The following PPP1R12C variants were observed in gnomAD, a reference collection of about 807,000 sequenced individuals.
PPP1R12C encodes protein phosphatase 1 regulatory subunit 12C, also known as leukocyte receptor cluster (LRC) encoded novel gene 3.
Under a neutral mutation model 95.6 loss-of-function variants are expected in PPP1R12C, and 48 were observed. The observed-to-expected ratio is 0.50, with a 90% confidence interval of 0.40 to 0.64. The LOEUF (loss-of-function observed/expected upper bound fraction) is 0.64. Among genes scored for constraint, PPP1R12C ranks in the 30% least tolerant of loss-of-function variants. The pLI is 0.00. For missense variants in PPP1R12C, 1,057 were observed against 1,083.3 expected (o/e 0.98, Z 0.34); for synonymous variants, 480 against 460.8 (o/e 1.04, Z -0.53).
At chr19:55,106,204 CT>C (rs1296377548) in intron 3 of PPP1R12C, among the ~76,000 whole-genome samples, 1 of 150,474 alleles carries the variant, frequency 6.6e-6, no homozygotes, top group African/African-American at 2.5e-5. Context: ...AGAAAGTTTG[CT>C]GACCCCTGCT....
intron 4 of PPP1R12C, among the ~76,000 whole-genome samples, chr19:55,102,110 C>T (rs557205721): frequency 1.8e-4 from 28 of 152,212 alleles, no homozygotes; most frequent in Non-Finnish European, 3.4e-4. Context: ...AGGATGAGAA[C>T]TGGAACCAAC....
intron 11 of PPP1R12C, chr19:55,095,022 C>T (rs1473759106): frequency 8.7e-6 from 6 of 689,502 alleles, no homozygotes; most frequent in South Asian, 3.6e-5. Flanking sequence ...GAACTGAGAG[C>T]GGGAGGGTGT....
intron 4 of PPP1R12C, among the ~76,000 whole-genome samples, chr19:55,102,657 T>G (rs2084991446): frequency 1.3e-5 from 2 of 152,218 alleles, no homozygotes; most frequent in Admixed American, 1.3e-4. Context: ...ACTGACAGAA[T>G]AAGCAGTGGG....
rs371927757 is a variant in PPP1R12C, at chr19:55,112,447, C to A, written c.571+20G>T. On this transcript the variant is annotated intron_variant, in intron 3 of 21. Transcript: ENST00000263433. ...GTGAGGAGGTGTCCCCCACCCCACA[C>A]ACAGCACACCAGAGCCCACCTCGGC... 2 of 1,602,270 alleles carry A rather than the reference C, an allele frequency of 1.2e-6. No homozygotes were observed. The highest frequency in any genetic ancestry group is 1.7e-6 in the Non-Finnish European group (2 of 1,175,308).
Position 55,092,523 on chromosome 19 carries a change from C to A in PPP1R12C, c.1974G>T (p.Ser658=), listed in dbSNP as rs753292266. Residue 658 remains serine (S), a synonymous_variant, in exon 18 of 22, where the codon TCG becomes TCT. Transcript: ENST00000263433. Reference sequence around the variant, plus strand: ...CCCGCTGCCACCGCTGCCTGCGGGCCGAGGGGCCGCCCTCCAGGGTGCTGG... The same window carrying A: ...CCCGCTGCCACCGCTGCCTGCGGGCAGAGGGGCCGCCCTCCAGGGTGCTGG... The part of the protein sequence containing the change: ...QESSTLEGGP[S]ARRQRWQRDL... 1.6e-5 allele frequency: 26 copies of A among 1,606,746 alleles called. No individual in the cohort carries two copies. In the East Asian group the frequency reaches 5.4e-4, roughly 33 times the overall value.
intron 1 of PPP1R12C, chr19:55,113,057 G>A (rs891441709): frequency 2.8e-5 from 16 of 574,190 alleles, no homozygotes; most frequent in South Asian, 4.5e-5. Flanking sequence ...GGGGAAGGGA[G>A]GGGGCTTCTC....
chr19:55,092,189 C>T (rs975815261), intron 19 of PPP1R12C, 33 bp downstream of exon 19: 1 of 1,527,088 alleles, frequency 6.5e-7, no homozygotes, highest in Admixed American at 2.0e-5. Flanking sequence ...GCGGCCCTGC[C>T]AGTTCCCGTG....
At chr19:55,092,174 C>G in intron 19 of PPP1R12C, 48 bp downstream of exon 19, 9 of 1,491,340 alleles carry the variant, frequency 6.0e-6, no homozygotes, top group Non-Finnish European at 8.1e-6. Context: ...CTAAGCCCCA[C>G]CCAGGCGGCC....
At chr19:55,112,178 A>ACCCCCCCCCCCCC (rs59876929) in intron 3 of PPP1R12C, 2 of 131,598 alleles carry the variant, frequency 1.5e-5, no homozygotes, top group African/African-American at 6.0e-5. Context: ...GAGTCCCTCC[A>ACCCCCCCCCCCCC]CCCACCCACC....
At position 55,095,954 on chromosome 19, in the gene PPP1R12C, A is replaced by ACACC. The variant is rs777257235; in HGVS notation, c.1154-18_1154-15dup. On this transcript the variant is annotated splice_polypyrimidine_tract_variant and intron_variant, in intron 8 of 21. Coordinates refer to ENST00000263433, the MANE Select transcript of PPP1R12C (RefSeq NM_017607.4). ...CAGGGGGTGGTTCTGTGATGTGGGA[A>ACACC]CACCGGGCAGGTCACAGAAGATGCC... 3.2e-5 allele frequency: 52 copies of ACACC among 1,611,688 alleles called. No homozygotes were observed. The South Asian group carries it at 4.8e-4, about 15-fold the overall frequency.
At chr19:55,107,466 T>C (rs1367363629) in intron 3 of PPP1R12C, among the ~76,000 whole-genome samples, 1 of 152,046 alleles carries the variant, frequency 6.6e-6, no homozygotes. Flanking sequence ...TGTCCATCAA[T>C]GATAGACTGG....
chr19:55,115,999 G>C (rs1328693632), intron 1 of PPP1R12C, among the ~76,000 whole-genome samples: 1 of 152,196 alleles, frequency 6.6e-6, no homozygotes, highest in East Asian at 1.9e-4. Context: ...ACAGACTAGA[G>C]AGGTAAGGGG....
Position 55,117,637 on chromosome 19 carries a change from T to A in PPP1R12C, c.-94A>T. ...GCCCGCCCCGGGGGCCGCCGGGAAC[T>A]GCCGCTGGCCCCCCACCGCCCCAAG... On this transcript the variant is annotated 5_prime_UTR_variant, in exon 1 of 22. Coordinates refer to ENST00000263433, the MANE Select transcript of PPP1R12C (RefSeq NM_017607.4). 1 of 727,076 alleles carries A rather than the reference T, an allele frequency of 1.4e-6. No homozygotes were observed. Among genetic ancestry groups the A allele is most frequent in the Non-Finnish European group, 1.6e-6 (1 of 632,788 alleles). 45.0% of individuals were successfully genotyped at this position (727,076 alleles called of 1,614,324 possible). A position where few individuals can be genotyped will look rare whatever the true frequency, so the allele number is the denominator to read the frequency against.
intron 15 of PPP1R12C, 59 bp from the exon 16 acceptor site, chr19:55,092,927 TC>T: frequency 3.8e-6 from 6 of 1,584,142 alleles, no homozygotes; most frequent in Non-Finnish European, 4.3e-6. Flanking sequence ...GGTGCCTGGG[TC>T]CCCGGGTCAA....
Position 55,104,188 on chromosome 19 carries a change from A to T in PPP1R12C, c.572-620T>A, listed in dbSNP as rs1374231832. 3.8e-5 allele frequency among the ~76,000 whole-genome samples: 4 copies of T among 104,228 alleles called. No homozygotes were observed. In the East Asian group the frequency reaches 1.4e-3, roughly 35 times the overall value. 68.4% of individuals were successfully genotyped at this position (104,228 alleles called of 152,430 possible). The stretch of plus-strand genomic sequence containing the variant: ...AAAAAAAAAAAAAAAAAGTATATAT[A>T]TATATATATATACACACACACACAC... On this transcript the variant is annotated intron_variant, in intron 3 of 21. Transcript: ENST00000263433.
intron 4 of PPP1R12C, among the ~76,000 whole-genome samples, chr19:55,099,726 C>T (rs377000230): frequency 2.0e-5 from 3 of 152,310 alleles, no homozygotes; most frequent in South Asian, 2.1e-4. Context: ...ATGCTGCCAG[C>T]GCCCAGGCTG....
intron 11 of PPP1R12C, chr19:55,094,999 A>C (rs377033725): frequency 5.6e-6 from 4 of 719,676 alleles, no homozygotes; most frequent in East Asian, 2.7e-5. Flanking sequence ...TCTGGACAGA[A>C]GCAGCAGTGC....
chr19:55,112,802 G>A lies in PPP1R12C; in HGVS notation c.322-7C>T, dbSNP rs1306073444. 6.2e-7 allele frequency: 1 copy of A among 1,611,894 alleles called. No homozygotes were observed. The highest frequency in any genetic ancestry group is 1.3e-5 in the African/African-American group (1 of 74,994). On this transcript the variant is annotated splice_polypyrimidine_tract_variant and splice_region_variant and intron_variant, in intron 1 of 21. Coordinates refer to ENST00000263433, the MANE Select transcript of PPP1R12C (RefSeq NM_017607.4). Reference sequence around the variant, plus strand: ...GGTTCTCATCAATGCAGGCCTGGGGGTGGGAAACAGCCGTCAGCCGCACCT... The same window carrying A: ...GGTTCTCATCAATGCAGGCCTGGGGATGGGAAACAGCCGTCAGCCGCACCT...
Position 55,092,457 on chromosome 19 carries a change from G to A in PPP1R12C, c.2040C>T (p.Asp680=), listed in dbSNP as rs748508891. 12 of 1,609,222 alleles carry A rather than the reference G, an allele frequency of 7.5e-6. No homozygotes were observed. In the East Asian group the frequency reaches 1.3e-4, roughly 18 times the overall value. The stretch of plus-strand genomic sequence containing the variant: ...GGGATCGCACCGTCCTAAAGCCTCC[G>A]TCTGGCTCTTCCGATTCTGGCTCAG... ...PEPEPESEEP[D]GGFRTLYAEL... The change falls in exon 18 of 22, where the codon GAC becomes GAT. Residue 680 remains aspartate, a synonymous_variant. Coordinates refer to ENST00000263433, the MANE Select transcript of PPP1R12C (RefSeq NM_017607.4).
Sources: allele counts gnomAD v4.1 joint callset (sites outside exome capture counted in the v4.1 genomes callset), GRCh38; gene constraint gnomAD v4.1.1; transcripts MANE v1.5; gene names NCBI Gene and HGNC (gene_info 2026-07-23, HGNC 2026-07-21).